RAD18: variants seen among roughly 807,000 people sequenced by gnomAD.
RAD18 encodes the protein E3 ubiquitin-protein ligase RAD18.
In RAD18, 47 loss-of-function variants were observed where a neutral mutation model predicts 60.4. The observed-to-expected ratio is 0.78, with a 90% CI of 0.62 to 0.99. RAD18 has a LOEUF of 0.99. RAD18 is among the 50% of genes least tolerant of loss of function. The pLI is 0.00. For missense variants in RAD18, 640 were observed against 593.3 expected (o/e 1.08, Z -0.82); for synonymous variants, 225 against 195.5 (o/e 1.15, Z -1.26).
intron 7 of RAD18, among the ~76,000 whole-genome samples, chr3:8,926,669 C>G (rs1005674253): frequency 6.6e-6 from 1 of 152,142 alleles, no homozygotes; most frequent in Admixed American, 6.5e-5. Flanking sequence ...TACTACAAGG[C>G]TACAGTAACC....
At chr3:8,895,882 T>G (rs768111129) in intron 11 of RAD18, among the ~76,000 whole-genome samples, 6 of 152,246 alleles carry the variant, frequency 3.9e-5, no homozygotes, top group Non-Finnish European at 8.8e-5. Context: ...ATGCTATACA[T>G]GCTGTTCCGA....
At chr3:8,909,836 A>G (rs1360742813) in intron 9 of RAD18, among the ~76,000 whole-genome samples, 1 of 152,196 alleles carries the variant, frequency 6.6e-6, no homozygotes, top group Non-Finnish European at 1.5e-5. Context: ...ACAATAGCTG[A>G]TGAGAGAAAA....
chr3:8,900,683 T>C (rs1404049112), intron 10 of RAD18, among the ~76,000 whole-genome samples: 1 of 152,172 alleles, frequency 6.6e-6, no homozygotes, highest in Non-Finnish European at 1.5e-5. Flanking sequence ...ATGCAACTTG[T>C]TCACTTACAT....
In RAD18 at chr3:8,941,750, G is replaced by C; in HGVS notation, c.321C>G (p.Ser107=). The C allele has an allele frequency of 6.2e-7, 1 of 1,614,094 alleles. No individual in the cohort carries two copies. Among genetic ancestry groups the C allele is most frequent in the Non-Finnish European group, 8.5e-7 (1 of 1,179,970 alleles). ...CTTTGACAGCAAGATTCTTTGAAGA[G>C]GAAGAAGCAGGAGATTTGGCTGGTG... is the stretch of plus-strand genomic sequence containing the variant. ...LESPAKSPAS[S]SSKNLAVKVY... The change falls in exon 5 of 13, where the codon TCC becomes TCG. Residue 107 remains serine, a synonymous_variant. Coordinates refer to ENST00000264926, the MANE Select transcript of RAD18 (RefSeq NM_020165.4).
At chr3:8,902,127 G>A (rs544465313) in intron 10 of RAD18, among the ~76,000 whole-genome samples, 1 of 152,070 alleles carries the variant, frequency 6.6e-6, no homozygotes, top group African/African-American at 2.4e-5. Flanking sequence ...AAATAACAAA[G>A]AAATTTATGA....
chr3:8,927,664 T>C (rs1324897334), intron 7 of RAD18, among the ~76,000 whole-genome samples: 1 of 152,170 alleles, frequency 6.6e-6, no homozygotes, highest in African/African-American at 2.4e-5. Context: ...CCAACCCAAA[T>C]GTCCAACAAT....
At chr3:8,923,289 C>T (rs143291306) in intron 7 of RAD18, among the ~76,000 whole-genome samples, 2,339 of 152,084 alleles carry the variant, frequency 0.015, 59 homozygotes, top group African/African-American at 0.054. Flanking sequence ...GTAGCCGATT[C>T]GATCAATTGG....
At chr3:8,944,398 T>C (rs1940806244) in intron 4 of RAD18, among the ~76,000 whole-genome samples, 1 of 152,146 alleles carries the variant, frequency 6.6e-6, no homozygotes, top group Non-Finnish European at 1.5e-5. Flanking sequence ...AGTGTGGACA[T>C]GGTGGCACAT....
At chr3:8,956,936 T>C (rs1407678696) in intron 2 of RAD18, among the ~76,000 whole-genome samples, 4 of 152,118 alleles carry the variant, frequency 2.6e-5, no homozygotes, top group African/African-American at 9.7e-5. Context: ...CTTTCAACAC[T>C]GTAGTTGAGG....
chr3:8,879,582 G>A lies in RAD18; in HGVS notation c.*1775C>T, dbSNP rs1362831783. On this transcript the variant is annotated 3_prime_UTR_variant, in exon 13 of 13. Transcript: ENST00000264926. ...CCTGGCAAACTAATCCATGAGGGTT[G>A]GGTGTTTAGCCTCATCCCTGGCCTC... is the stretch of plus-strand genomic sequence containing the variant. 6.6e-6 allele frequency: 1 copy of A among 152,178 alleles called. No individual in the cohort carries two copies. Among genetic ancestry groups the A allele is most frequent in the Non-Finnish European group, 1.5e-5 (1 of 68,066 alleles). 9.4% of individuals were successfully genotyped at this position (152,178 alleles called of 1,614,324 possible).
At chr3:8,902,580 T>C in intron 9 of RAD18, 60 bp from the exon 10 acceptor site, 2 of 1,474,362 alleles carry the variant, frequency 1.4e-6, no homozygotes, top group Non-Finnish European at 1.8e-6. Flanking sequence ...CATCTACAAC[T>C]GACAAACTGA....
rs555480326 is a variant in RAD18 at position 8,935,761 on chromosome 3, C to G, written c.889+110G>C. On this transcript the variant is annotated intron_variant, in intron 7 of 12. Transcript: ENST00000264926. ...GAAGGAACACATTTGCACGTCTTAT[C>G]TATCAAAAATGTATTTATTTACAAT... 250 of 1,050,358 alleles carry G rather than the reference C, an allele frequency of 2.4e-4. No homozygotes were observed. In the Middle Eastern group the frequency reaches 2.7e-3, roughly 11 times the overall value. The allele number at this position is 1,050,358 out of a possible 1,614,324, so 65.1% of individuals were successfully genotyped here. A position where few individuals can be genotyped will look rare whatever the true frequency, so the allele number is the denominator to read the frequency against.
intron 5 of RAD18, among the ~76,000 whole-genome samples, chr3:8,940,096 T>C (rs1940722170): frequency 2.6e-5 from 4 of 152,206 alleles, no homozygotes; most frequent in Admixed American, 1.3e-4. Context: ...TAATAATTTA[T>C]TGAGTTCAAT....
At position 8,949,613 on chromosome 3, in the gene RAD18, G is replaced by A. The variant is rs932970318; in HGVS notation, c.134-1043C>T. Among the ~76,000 whole-genome samples the A allele has an allele frequency of 4.6e-5, 7 of 152,214 alleles. No homozygotes were observed. The East Asian group carries it at 7.7e-4, about 17-fold the overall frequency. ...CAAACTGAAAAACCAACAACTTTTCGTAGATCCAGCAGAAAAGCAGGGTCA... is the reference window on the plus strand; with the variant it reads ...CAAACTGAAAAACCAACAACTTTTCATAGATCCAGCAGAAAAGCAGGGTCA... On this transcript the variant is annotated intron_variant, in intron 2 of 12. Transcript: ENST00000264926.
At chr3:8,893,509 A>G (rs1239142328) in intron 11 of RAD18, among the ~76,000 whole-genome samples, 1 of 152,140 alleles carries the variant, frequency 6.6e-6, no homozygotes, top group East Asian at 1.9e-4. Flanking sequence ...TATTTTTAGT[A>G]ATCTGTAAGA....
intron 2 of RAD18, among the ~76,000 whole-genome samples, chr3:8,954,157 T>G (rs553759926): frequency 4.9e-4 from 75 of 152,364 alleles, no homozygotes; most frequent in African/African-American, 1.8e-3. Flanking sequence ...TCTTACCAAC[T>G]AACTGTCCCT....
intron 7 of RAD18, among the ~76,000 whole-genome samples, chr3:8,935,472 G>C (rs531384115): frequency 4.6e-5 from 7 of 152,244 alleles, no homozygotes; most frequent in Non-Finnish European, 5.9e-5. Flanking sequence ...ACATTATGAA[G>C]TGGGTAGTTA....
intron 12 of RAD18, among the ~76,000 whole-genome samples, chr3:8,886,541 T>TGACA (rs764550446): frequency 3.9e-5 from 6 of 152,220 alleles, no homozygotes; most frequent in Non-Finnish European, 2.9e-5. Context: ...ACTGACTGAC[T>TGACA]GACAGACAGA....
chr3:8,915,708 C>T (rs1317249698), intron 7 of RAD18, among the ~76,000 whole-genome samples: 2 of 151,846 alleles, frequency 1.3e-5, no homozygotes, highest in African/African-American at 4.8e-5. Flanking sequence ...CTCAGCCTCC[C>T]GAGTAGCTGG....
Sources: allele counts gnomAD v4.1 joint callset (sites outside exome capture counted in the v4.1 genomes callset), GRCh38; gene constraint gnomAD v4.1.1; transcripts MANE v1.5; gene names NCBI Gene and HGNC (gene_info 2026-07-23, HGNC 2026-07-21).